Variants in ZNF804B observed in about 807,000 individuals in gnomAD.
ZNF804B encodes zinc finger protein 804B.
In ZNF804B, 80 loss-of-function variants were observed where a neutral mutation model predicts 101.4. The ratio of observed to expected loss-of-function variants is 0.79; its 90% CI spans 0.66 to 0.95. The LOEUF (loss-of-function observed/expected upper bound fraction) is 0.95. Ranked by LOEUF, ZNF804B falls within the 40% of genes least tolerant of loss-of-function variation. The probability of loss-of-function intolerance (pLI) is 0.00; values close to 1 mark genes in which losing one functional copy is unlikely to be tolerated. For synonymous variants in ZNF804B, 622 were observed against 558.8 expected, an observed-to-expected ratio of 1.11 and a Z score of -1.59; for missense variants, 1,673 against 1,561.9, an observed-to-expected ratio of 1.07 and a Z score of -1.20.
At chr7:88,907,465 C>G (rs1792490317) in intron 1 of ZNF804B, among the ~76,000 whole-genome samples, 1 of 151,994 alleles carries the variant, frequency 6.6e-6, no homozygotes, top group Non-Finnish European at 1.5e-5. Context: ...ATGACTGCTT[C>G]TACTGCTACT....
chr7:88,858,364 A>C (rs1476098302), intron 1 of ZNF804B, among the ~76,000 whole-genome samples: 2 of 152,208 alleles, frequency 1.3e-5, no homozygotes, highest in East Asian at 3.8e-4. Flanking sequence ...AACTTTAGCA[A>C]CAAAAATATG....
intron 2 of ZNF804B, among the ~76,000 whole-genome samples, chr7:89,275,660 T>C (rs1020819565): frequency 6.6e-6 from 1 of 151,980 alleles, no homozygotes; most frequent in African/African-American, 2.4e-5. Context: ...CTTTTATACC[T>C]ATTAAATTTG....
Position 89,333,672 on chromosome 7 carries a change from A to C in ZNF804B, c.690A>C (p.Lys230Asn). Residue 230 changes from lysine to asparagine, a missense_variant, in exon 4 of 4, where the codon AAA becomes AAC. Physicochemically the swap from Lys to Asn is moderately conservative, Grantham distance 94. Coordinates refer to ENST00000333190, the MANE Select transcript of ZNF804B (RefSeq NM_181646.5). ...SFTFSKKVHL[K>N]LESSASVFSE... ...CTTTTTCCAAAAAAGTGCACCTAAAATTAGAATCTTCAGCATCAGTTTTCA... is the reference window on the plus strand; with the variant it reads ...CTTTTTCCAAAAAAGTGCACCTAAACTTAGAATCTTCAGCATCAGTTTTCA... 6.2e-7 allele frequency: 1 copy of C among 1,613,496 alleles called. No individual in the cohort carries two copies. Among genetic ancestry groups the C allele is most frequent in the Non-Finnish European group, 8.5e-7 (1 of 1,179,684 alleles).
intron 1 of ZNF804B, among the ~76,000 whole-genome samples, chr7:88,967,804 C>A (rs1793479049): frequency 6.6e-6 from 1 of 150,960 alleles, no homozygotes; most frequent in South Asian, 2.1e-4. Context: ...TTTCAACCAT[C>A]CTCATCCAAA....
chr7:89,140,942 CT>C (rs1183675325), intron 1 of ZNF804B, among the ~76,000 whole-genome samples: 1 of 151,022 alleles, frequency 6.6e-6, no homozygotes, highest in Non-Finnish European at 1.5e-5. Flanking sequence ...TCATTTCTAG[CT>C]TTTGATTAAA....
intron 1 of ZNF804B, among the ~76,000 whole-genome samples, chr7:88,787,222 T>C (rs10248441): frequency 0.46 from 69,678 of 151,988 alleles, 18,530 homozygotes; most frequent in East Asian, 0.81. Flanking sequence ...AAAGTAAGCA[T>C]GGATCAGAGA....
intron 1 of ZNF804B, among the ~76,000 whole-genome samples, chr7:89,202,409 G>A (rs1358387731): frequency 6.6e-6 from 1 of 152,056 alleles, no homozygotes; most frequent in East Asian, 1.9e-4. Flanking sequence ...AGCTTAGGGG[G>A]ATAAAGGAAA....
At position 89,125,981 on chromosome 7, in the gene ZNF804B, C is replaced by T. The variant is rs192729280; in HGVS notation, c.109-92174C>T. 1.3e-3 allele frequency among the ~76,000 whole-genome samples: 203 copies of T among 152,098 alleles called. 6 individuals are homozygous for T. Among genetic ancestry groups the T allele is most frequent in the Admixed American group, 0.013 (199 of 15,246 alleles). ...ATTACTCTGCCTGTGTCAAGGTTCC[C>T]CCTGATGATCAGATATATTACAGAT... is the stretch of plus-strand genomic sequence containing the variant. On this transcript the variant is annotated intron_variant, in intron 1 of 3. Coordinates refer to ENST00000333190, the MANE Select transcript of ZNF804B (RefSeq NM_181646.5).
intron 1 of ZNF804B, among the ~76,000 whole-genome samples, chr7:88,997,345 G>A (rs1012597550): frequency 1.3e-5 from 2 of 152,030 alleles, no homozygotes; most frequent in Non-Finnish European, 2.9e-5. Flanking sequence ...GTCTTATTTT[G>A]TTAGATTATC....
intron 1 of ZNF804B, among the ~76,000 whole-genome samples, chr7:88,920,009 A>G (rs555712795): frequency 6.6e-6 from 1 of 152,210 alleles, no homozygotes; most frequent in East Asian, 1.9e-4. Context: ...ACAGATGTAC[A>G]AAGAGGAACT....
chr7:89,299,996 A>C lies in ZNF804B; in HGVS notation c.250-27348A>C, dbSNP rs147814401. Among the ~76,000 whole-genome samples the C allele has an allele frequency of 4.8e-3, 729 of 151,940 alleles. 4 individuals are homozygous for C. Among genetic ancestry groups the C allele is most frequent in the South Asian group, 0.018 (85 of 4,818 alleles). On this transcript the variant is annotated intron_variant, in intron 2 of 3. Coordinates refer to ENST00000333190, the MANE Select transcript of ZNF804B (RefSeq NM_181646.5). ...TCCCAACAATTAATTCTGCTGCTTA[A>C]GTATTCCCCAGCTAGCTCCATGTTG...
At chr7:88,906,641 G>T (rs1353201881) in intron 1 of ZNF804B, among the ~76,000 whole-genome samples, 1 of 151,964 alleles carries the variant, frequency 6.6e-6, no homozygotes, top group Admixed American at 6.6e-5. Flanking sequence ...TTGAGATTTG[G>T]TTTATTACCA....
At chr7:89,219,874 AG>A (rs1432759374) in intron 2 of ZNF804B, among the ~76,000 whole-genome samples, 2 of 98,406 alleles carry the variant, frequency 2.0e-5, no homozygotes, top group African/African-American at 3.7e-5. Flanking sequence ...GTGTATATGT[AG>A]TATATGTGTG....
chr7:89,044,744 G>C (rs759765565), intron 1 of ZNF804B, among the ~76,000 whole-genome samples: 4 of 152,122 alleles, frequency 2.6e-5, no homozygotes, highest in Non-Finnish European at 4.4e-5. Context: ...AGATGACTTA[G>C]GGTATCTGGC....
intron 1 of ZNF804B, among the ~76,000 whole-genome samples, chr7:89,167,583 G>A (rs1002524274): frequency 1.3e-5 from 2 of 152,132 alleles, no homozygotes; most frequent in Non-Finnish European, 2.9e-5. Flanking sequence ...TAAGCAGGGT[G>A]TACTTTCTAT....
At chr7:88,969,541 CT>C (rs1287128074) in intron 1 of ZNF804B, among the ~76,000 whole-genome samples, 1 of 151,508 alleles carries the variant, frequency 6.6e-6, no homozygotes. Context: ...ACATTTTTTT[CT>C]TCCATCCCCA....
intron 1 of ZNF804B, among the ~76,000 whole-genome samples, chr7:89,072,611 T>C (rs1789558370): frequency 6.6e-6 from 1 of 152,000 alleles, no homozygotes; most frequent in Non-Finnish European, 1.5e-5. Context: ...AAAATAACAG[T>C]ATGAATAAAT....
intron 1 of ZNF804B, among the ~76,000 whole-genome samples, chr7:88,909,334 T>C (rs10235812): frequency 0.018 from 2,761 of 151,974 alleles, 59 homozygotes; most frequent in African/African-American, 0.047. Context: ...GGTGCCTATA[T>C]TCCAATTGCT....
chr7:89,054,162 G>A (rs1789255490), intron 1 of ZNF804B, among the ~76,000 whole-genome samples: 1 of 151,656 alleles, frequency 6.6e-6, no homozygotes, highest in Admixed American at 6.6e-5. Context: ...TAGTTAGCCT[G>A]GTTCTCTCCT....
Sources: allele counts gnomAD v4.1 joint callset (sites outside exome capture counted in the v4.1 genomes callset), GRCh38; gene constraint gnomAD v4.1.1; transcripts MANE v1.5; gene names NCBI Gene and HGNC (gene_info 2026-07-23, HGNC 2026-07-21).